Variants in FMO5 observed in about 807,000 individuals in gnomAD.
FMO5 encodes flavin-containing monooxygenase 5.
A neutral mutation model predicts 43.6 loss-of-function variants in FMO5; 51 were observed. That is an observed-to-expected ratio of 1.17 (90% CI 0.93 to 1.48). FMO5 has a LOEUF of 1.48. FMO5 is among the 40% of genes most tolerant of loss of function. FMO5 has a pLI of 0.00. For synonymous variants in FMO5, 187 were observed against 216.5 expected, an observed-to-expected ratio of 0.86 and a Z score of 1.20; for missense variants, 644 against 643.0, an observed-to-expected ratio of 1.00 and a Z score of -0.02.
intron 3 of FMO5, among the ~76,000 whole-genome samples, chr1:147,214,098 T>C (rs1485045660): frequency 6.6e-6 from 1 of 152,118 alleles, no homozygotes; most frequent in East Asian, 1.9e-4. Context: ...CCTACTTAGG[T>C]TAAGGAAACA....
intron 5 of FMO5, among the ~76,000 whole-genome samples, chr1:147,209,377 G>T (rs1660708402): frequency 1.3e-5 from 2 of 148,786 alleles, no homozygotes; most frequent in African/African-American, 5.0e-5. Context: ...GGCGGAGCTT[G>T]CAGTGAGCCA....
At chr1:147,223,009 T>C (rs75435090) in intron 2 of FMO5, among the ~76,000 whole-genome samples, 7,489 of 152,312 alleles carry the variant, frequency 0.049, 262 homozygotes, top group Non-Finnish European at 0.075. Flanking sequence ...TTGTAAGTGA[T>C]TGGCATAATT....
intron 2 of FMO5, chr1:147,223,642 T>A (rs587676211): frequency 1.9e-4 from 29 of 156,692 alleles, no homozygotes; most frequent in Non-Finnish European, 3.7e-4. Context: ...TTGTGAATCC[T>A]CTGTTTGAGA....
intron 6 of FMO5, chr1:147,203,888 C>T (rs1437548619): frequency 6.3e-7 from 1 of 1,578,120 alleles, no homozygotes; most frequent in Non-Finnish European, 8.7e-7. Flanking sequence ...GAGGTAAACA[C>T]TGTCTCAGTG....
rs782771646 is a variant in FMO5 at position 147,187,263 on chromosome 1, GA to G, written c.1257-19del. ...CCACATACCTAAAGTAGAAAAGACA[GA>G]AACCATGGCCTGTCAATAATTCAAT... is the stretch of plus-strand genomic sequence containing the variant. On this transcript the variant is annotated intron_variant, in intron 8 of 8. Coordinates refer to ENST00000254090, the MANE Select transcript of FMO5 (RefSeq NM_001461.4). 7.1e-6 allele frequency: 11 copies of G among 1,548,064 alleles called. 1 individual carries two copies. In the South Asian group the frequency reaches 1.4e-4, roughly 19 times the overall value.
At chr1:147,214,467 A>C (rs1356129103) in intron 3 of FMO5, among the ~76,000 whole-genome samples, 3 of 41,958 alleles carry the variant, frequency 7.2e-5, no homozygotes, top group Non-Finnish European at 5.3e-5. Context: ...AACAAAAAAC[A>C]AAAAAAAAAA....
chr1:147,204,207 A>G, intron 6 of FMO5: 1 of 1,382,924 alleles, frequency 7.2e-7, no homozygotes, highest in Non-Finnish European at 1.0e-6. Flanking sequence ...AAAGGACAAG[A>G]GTACACTGCT....
intron 5 of FMO5, chr1:147,211,084 G>T (rs1236539611): frequency 1.3e-5 from 2 of 152,162 alleles, no homozygotes; most frequent in Admixed American, 6.5e-5. Context: ...TTAGTGGTGT[G>T]ACAGTATTGC....
At chr1:147,203,126 T>TTTTTA in intron 6 of FMO5, 1 of 507,512 alleles carries the variant, frequency 2.0e-6, no homozygotes, top group Non-Finnish European at 3.4e-6. Context: ...TTTTTTTTTT[T>TTTTTA]GACAGTAACA....
At chr1:147,196,961 G>A (rs894140852) in intron 7 of FMO5, among the ~76,000 whole-genome samples, 6 of 152,066 alleles carry the variant, frequency 3.9e-5, no homozygotes, top group African/African-American at 7.3e-5. Flanking sequence ...CCACAGGCTC[G>A]TACTGACCTA....
intron 6 of FMO5, chr1:147,203,808 C>T: frequency 6.4e-7 from 1 of 1,551,488 alleles, no homozygotes; most frequent in Non-Finnish European, 8.9e-7. Context: ...CCCCGAAGTA[C>T]TATGGTAGAA....
At chr1:147,214,174 G>A (rs1195227240) in intron 3 of FMO5, among the ~76,000 whole-genome samples, 2 of 152,108 alleles carry the variant, frequency 1.3e-5, no homozygotes, top group Non-Finnish European at 2.9e-5. Flanking sequence ...CATCCCGGCC[G>A]GGTGCGGTGG....
intron 7 of FMO5, 90 bp from the exon 8 acceptor site, chr1:147,190,339 AG>A (rs2101711379): frequency 1.2e-6 from 1 of 817,682 alleles, no homozygotes; most frequent in African/African-American, 1.7e-5. Flanking sequence ...GAGAATTCAA[AG>A]AAATACAGGG....
chr1:147,190,214 C>A lies in FMO5; in HGVS notation c.1219G>T (p.Ala407Ser), dbSNP rs782221869. Reference sequence around the variant, plus strand: ...TCCTCTTGAGCTTTAGATATTTCTGCCATCATTTCACTCTGTGAGGGCAAT... The same window carrying A: ...TCCTCTTGAGCTTTAGATATTTCTGACATCATTTCACTCTGTGAGGGCAAT... ...KTLPSQSEMMAEISKAQEEID... is the reference protein window; with the variant it reads ...KTLPSQSEMMSEISKAQEEID... The change falls in exon 8 of 9, where the codon GCA becomes TCA. Residue 407 changes from alanine to serine, a missense_variant. Ala to Ser is a moderately conservative substitution (Grantham distance 99). Transcript: ENST00000254090. The A allele has an allele frequency of 6.2e-7, 1 of 1,611,586 alleles. No homozygotes were observed. Among genetic ancestry groups the A allele is most frequent in the Non-Finnish European group, 8.5e-7 (1 of 1,178,616 alleles).
intron 7 of FMO5, among the ~76,000 whole-genome samples, chr1:147,200,668 G>C (rs1287628182): frequency 6.6e-6 from 1 of 151,814 alleles, no homozygotes; most frequent in African/African-American, 2.4e-5. Context: ...TTGGGGGATT[G>C]AATATCCTAC....
At chr1:147,212,713 C>A (rs1238462452) in intron 4 of FMO5, among the ~76,000 whole-genome samples, 178 bp from the exon 5 acceptor site, 5 of 152,132 alleles carry the variant, frequency 3.3e-5, no homozygotes, top group African/African-American at 1.2e-4. Flanking sequence ...CCCATAGCCT[C>A]AGAGTAGTAC....
At chr1:147,190,990 A>C (rs918094901) in intron 7 of FMO5, among the ~76,000 whole-genome samples, 1 of 152,014 alleles carries the variant, frequency 6.6e-6, no homozygotes, top group African/African-American at 2.4e-5. Flanking sequence ...AGTTTAATCC[A>C]TGTCCCTACA....
Position 147,186,467 on chromosome 1 carries a change from A to AG in FMO5, c.*432_*433insC. ...AACATATTTAGTTATAATATGAAAA[A>AG]AAACTAAAATTGAGCTTCTAATAGA... On this transcript the variant is annotated 3_prime_UTR_variant, in exon 9 of 9. Transcript: ENST00000254090. 1.0e-6 allele frequency: 1 copy of AG among 972,092 alleles called. No individual in the cohort carries two copies. Among genetic ancestry groups the AG allele is most frequent in the Non-Finnish European group, 1.2e-6 (1 of 817,156 alleles). The allele number at this position is 972,092 out of a possible 1,614,324, so 60.2% of individuals were successfully genotyped here.
In FMO5 at chr1:147,201,331, T is replaced by G. The variant is rs587740648; in HGVS notation, c.1004A>C (p.Asp335Ala). The change falls in exon 7 of 9, where the codon GAC becomes GCC. Residue 335 changes from aspartate (D) to alanine (A), a missense_variant. Transcript: ENST00000254090. ...AVIFATGYSF[D>A]FPFLEDSVKV... ...GACGGAATCTTCCAGAAATGGAAAG[T>G]CAAAGCTATAGCCTGTGGCAAAGAT... 1 of 1,614,154 alleles carries G rather than the reference T, an allele frequency of 6.2e-7. No individual in the cohort carries two copies. Among genetic ancestry groups the G allele is most frequent in the Non-Finnish European group, 8.5e-7 (1 of 1,180,010 alleles).
Sources: gnomAD v4.1 joint callset for allele counts (sites outside exome capture counted in the v4.1 genomes callset) on GRCh38, gnomAD v4.1.1 for gene constraint, MANE v1.5 for transcripts, NCBI Gene and HGNC (gene_info 2026-07-23, HGNC 2026-07-21) for gene names.